Variants in CLCN7 observed in about 807,000 individuals in gnomAD.
The protein encoded by CLCN7 is Cl-/H+ antiporter 7.
A neutral mutation model predicts 102.1 loss-of-function variants in CLCN7; 60 were observed. The ratio of observed to expected loss-of-function variants is 0.59; its 90% CI spans 0.48 to 0.73. CLCN7 has a LOEUF of 0.73. Among genes scored for constraint, CLCN7 ranks in the 30% least tolerant of loss-of-function variants. The pLI, the probability that CLCN7 is intolerant of heterozygous loss-of-function variation, is 0.00. For synonymous variants in CLCN7, 560 were observed against 490.5 expected (o/e 1.14, Z -1.87); for missense variants, 962 against 1,125.7 (o/e 0.85, Z 2.08).
chr16:1,467,352 G>A (rs916020117), intron 1 of CLCN7, among the ~76,000 whole-genome samples: 1 of 152,210 alleles, frequency 6.6e-6, no homozygotes, highest in Non-Finnish European at 1.5e-5. Context: ...ACATGCCAGT[G>A]GCTCTCCCTG....
rs895227433 is a variant in CLCN7 at position 1,450,742 on chromosome 16, T to G, written c.1448-76A>C. On this transcript the variant is annotated intron_variant, in intron 16 of 24. Coordinates refer to ENST00000382745, the MANE Select transcript of CLCN7 (RefSeq NM_001287.6). ...GACTGCCCTGCCCCGCTGCCCAGTC[T>G]CGGGCCTCACAGTCACCTTCCAGGA... 4.1e-6 allele frequency: 5 copies of G among 1,218,180 alleles called. No homozygotes were observed. In the African/African-American group the frequency reaches 9.1e-5, roughly 22 times the overall value. 75.5% of individuals were successfully genotyped at this position (1,218,180 alleles called of 1,614,324 possible). A position where few individuals can be genotyped will look rare whatever the true frequency, so the allele number is the denominator to read the frequency against.
chr16:1,458,917 A>C (rs150153152), intron 7 of CLCN7, among the ~76,000 whole-genome samples, 190 bp downstream of exon 7: 1 of 152,342 alleles, frequency 6.6e-6, no homozygotes, highest in African/African-American at 2.4e-5. Flanking sequence ...AATATGTGCA[A>C]ATACCAGTTG....
At chr16:1,473,104 C>G (rs527386123) in intron 1 of CLCN7, among the ~76,000 whole-genome samples, 10 of 150,208 alleles carry the variant, frequency 6.7e-5, no homozygotes, top group Non-Finnish European at 1.2e-4. Context: ...CACACACACA[C>G]AGAGGCATAC....
chr16:1,458,058 G>A (rs1318855776), intron 7 of CLCN7, among the ~76,000 whole-genome samples: 6 of 100,666 alleles, frequency 6.0e-5, no homozygotes, highest in Non-Finnish European at 1.3e-4. Context: ...GCATCCTACA[G>A]GCACACCTGC....
intron 1 of CLCN7, among the ~76,000 whole-genome samples, chr16:1,467,466 C>A (rs34914392): frequency 0.065 from 9,960 of 152,258 alleles, 417 homozygotes; most frequent in Non-Finnish European, 0.095. Context: ...AAGCAGTGGC[C>A]TGGCCAGCTG....
rs766667687 is a variant in CLCN7, at chr16:1,449,236, C to T, written c.1669+40G>A. ...GACAGCCATGGCCCCCTCCAGACCCCGTGGAGCTCCCCACCCATCGGGCAA... is the reference window on the plus strand; with the variant it reads ...GACAGCCATGGCCCCCTCCAGACCCTGTGGAGCTCCCCACCCATCGGGCAA... On this transcript the variant is annotated intron_variant, in intron 18 of 24. Transcript: ENST00000382745. 7.0e-6 allele frequency: 11 copies of T among 1,569,388 alleles called. No homozygotes were observed. In the Middle Eastern group the frequency reaches 5.2e-4, roughly 74 times the overall value.
chr16:1,471,903 T>C (rs1189270153), intron 1 of CLCN7: 1 of 152,322 alleles, frequency 6.6e-6, no homozygotes, highest in Non-Finnish European at 1.5e-5. Flanking sequence ...ATTCAAAGCC[T>C]GTTCATGTGC....
rs1296134757 is a variant in CLCN7 at position 1,457,902 on chromosome 16, G to C, written c.676-146C>G. 4 of 781,044 alleles carry C rather than the reference G, an allele frequency of 5.1e-6. No individual in the cohort carries two copies. The highest frequency in any genetic ancestry group is 8.8e-6 in the Non-Finnish European group (4 of 456,056). 48.4% of individuals were successfully genotyped at this position (781,044 alleles called of 1,614,324 possible). On this transcript the variant is annotated intron_variant, in intron 7 of 24. Transcript: ENST00000382745. The surrounding 1 kb of genome is among the most constrained non-coding windows in gnomAD (Gnocchi z 5.4). ...GAGGGGGCCAGCACCCCCAGGCTGG[G>C]TCTCCCCATGGCCACAGTGGAGCTA...
In CLCN7 at chr16:1,468,346, C is replaced by T. The variant is rs538740852; in HGVS notation, c.142-3008G>A. On this transcript the variant is annotated intron_variant, in intron 1 of 24. Transcript: ENST00000382745. The stretch of plus-strand genomic sequence containing the variant: ...GGGTTGCCCCCCAGCAGGGCATCAG[C>T]TGCCCCTGCCCGGAGTGAAAGGATG... Among the ~76,000 whole-genome samples the T allele has an allele frequency of 2.8e-4, 42 of 152,368 alleles. 2 individuals are homozygous for T. In the South Asian group the frequency reaches 8.7e-3, roughly 32 times the overall value.
intron 5 of CLCN7, 106 bp from the exon 6 acceptor site, chr16:1,460,633 G>C (rs34682071): frequency 3.2e-6 from 4 of 1,259,552 alleles, no homozygotes; most frequent in Non-Finnish European, 4.6e-6. Context: ...CTGCTGGGTG[G>C]AGCCATGATG....
chr16:1,451,319 C>T (rs923098165), intron 16 of CLCN7, among the ~76,000 whole-genome samples: 1 of 152,166 alleles, frequency 6.6e-6, no homozygotes, highest in Non-Finnish European at 1.5e-5. Flanking sequence ...GCAATCCTCC[C>T]GGCCCAGCCT....
At chr16:1,456,666 C>T (rs1265693196) in intron 9 of CLCN7, among the ~76,000 whole-genome samples, 1 of 152,068 alleles carries the variant, frequency 6.6e-6, no homozygotes, top group African/African-American at 2.4e-5. Context: ...TGGCAAAACC[C>T]CATCTCTACT....
intron 13 of CLCN7, 41 bp downstream of exon 13, chr16:1,454,369 AG>A: frequency 1.3e-6 from 2 of 1,597,928 alleles, no homozygotes; most frequent in Non-Finnish European, 1.7e-6. Context: ...CAGCTGAGCC[AG>A]GCCCGCAGGC....
chr16:1,471,359 G>A (rs550628078), intron 1 of CLCN7, among the ~76,000 whole-genome samples: 4 of 152,338 alleles, frequency 2.6e-5, no homozygotes, highest in Non-Finnish European at 5.9e-5. Flanking sequence ...AGTCCCGTCA[G>A]CAGGGGATGG....
At chr16:1,474,712 T>G in intron 1 of CLCN7, 122 bp downstream of exon 1, 1 of 874,152 alleles carries the variant, frequency 1.1e-6, no homozygotes, top group Non-Finnish European at 1.5e-6. Context: ...CGTTCCCGAG[T>G]CCACCGCGCC....
At chr16:1,469,372 G>A (rs1310562004) in intron 1 of CLCN7, among the ~76,000 whole-genome samples, 1 of 152,070 alleles carries the variant, frequency 6.6e-6, no homozygotes, top group African/African-American at 2.4e-5. Context: ...TCTGATAAGG[G>A]ATTAATATTC....
chr16:1,454,580 G>GCC (rs957148842), intron 12 of CLCN7, 115 bp from the exon 13 acceptor site: 26 of 990,048 alleles, frequency 2.6e-5, no homozygotes, highest in African/African-American at 4.8e-5. Context: ...GAGCCTTCCC[G>GCC]CCCTTCCACG....
intron 1 of CLCN7, chr16:1,474,135 C>G (rs1234454902): frequency 8.8e-6 from 4 of 455,864 alleles, no homozygotes; most frequent in Non-Finnish European, 1.8e-5. Flanking sequence ...CAAATGTACC[C>G]GCAACGGTTC....
intron 1 of CLCN7, among the ~76,000 whole-genome samples, chr16:1,470,549 T>C (rs1317038184): frequency 6.6e-6 from 1 of 152,116 alleles, no homozygotes; most frequent in African/African-American, 2.4e-5. Flanking sequence ...TTGCTGTCCA[T>C]GCAGTGTCCC....
Sources: allele counts gnomAD v4.1 joint callset (sites outside exome capture counted in the v4.1 genomes callset), GRCh38; gene constraint gnomAD v4.1.1; non-coding constraint Gnocchi (gnomAD v3.1); transcripts MANE v1.5; gene names NCBI Gene and HGNC (gene_info 2026-07-23, HGNC 2026-07-21).